The following MEIOSIN variants were observed in gnomAD, a reference collection of about 807,000 sequenced individuals.
MEIOSIN encodes the protein meiosis initiator.
MEIOSIN carries 18 observed loss-of-function variants against 23.4 expected under a neutral mutation model. That is an observed-to-expected ratio of 0.77 (90% CI 0.53 to 1.14). The LOEUF is 1.14. MEIOSIN is among the 50% of genes most tolerant of loss of function. MEIOSIN has a pLI of 0.00. For missense variants in MEIOSIN, 428 were observed against 242.9 expected (o/e 1.76, Z -5.07); for synonymous variants, 187 against 100.6 (o/e 1.86, Z -5.14).
intron 9 of MEIOSIN, among the ~76,000 whole-genome samples, chr19:45,757,969 A>G (rs1555784140): frequency 6.6e-6 from 1 of 151,486 alleles, no homozygotes; most frequent in African/African-American, 2.4e-5. Flanking sequence ...CTGGGATTAC[A>G]GGCACGTGCC....
rs1968786205 is a variant in MEIOSIN at position 45,754,738 on chromosome 19, C to T, written c.802+14C>T. 1 of 701,802 alleles carries T rather than the reference C, an allele frequency of 1.4e-6. No homozygotes were observed. Among genetic ancestry groups the T allele is most frequent in the Non-Finnish European group, 2.6e-6 (1 of 384,556 alleles). 43.5% of individuals were successfully genotyped at this position (701,802 alleles called of 1,614,324 possible). The stretch of plus-strand genomic sequence containing the variant: ...GTGACATCTCAAGTGGGTCTCTTTC[C>T]TCACTCTGAACTTAGTCTTTCAGTA... On this transcript the variant is annotated intron_variant, in intron 7 of 14. Coordinates refer to ENST00000457052, the MANE Select transcript of MEIOSIN (RefSeq NM_001310124.2).
At chr19:45,735,542 C>T in intron 2 of MEIOSIN, 95 bp downstream of exon 2, 1 of 627,452 alleles carries the variant, frequency 1.6e-6, no homozygotes, top group Non-Finnish European at 2.9e-6. Context: ...TTGCTAGACT[C>T]TTTGCCAAAC....
At chr19:45,735,543 T>C (rs1968394842) in intron 2 of MEIOSIN, 96 bp downstream of exon 2, 3 of 626,966 alleles carry the variant, frequency 4.8e-6, no homozygotes, top group East Asian at 2.8e-5. Context: ...TGCTAGACTC[T>C]TTGCCAAACA....
intron 4 of MEIOSIN, among the ~76,000 whole-genome samples, chr19:45,746,332 G>A (rs990913554): frequency 2.6e-5 from 4 of 152,120 alleles, no homozygotes. Flanking sequence ...TAGAGAGTTT[G>A]TTTCCTTTCT....
At chr19:45,746,942 T>C (rs571712600) in intron 4 of MEIOSIN, among the ~76,000 whole-genome samples, 28 of 152,242 alleles carry the variant, frequency 1.8e-4, no homozygotes, top group African/African-American at 6.5e-4. Flanking sequence ...TTTGGAACTT[T>C]GGGGGGATGC....
intron 4 of MEIOSIN, among the ~76,000 whole-genome samples, chr19:45,748,752 G>T (rs1261135587): frequency 6.6e-6 from 1 of 152,126 alleles, no homozygotes; most frequent in East Asian, 1.9e-4. Context: ...TCCAAGCCTG[G>T]TATTAGAGAT....
In MEIOSIN at chr19:45,733,594, C is replaced by G. The variant is rs1968359213; in HGVS notation, c.-73C>G. 6.6e-6 allele frequency: 1 copy of G among 152,286 alleles called. No homozygotes were observed. Among genetic ancestry groups the G allele is most frequent in the Non-Finnish European group, 1.5e-5 (1 of 68,070 alleles). 9.4% of individuals were successfully genotyped at this position (152,286 alleles called of 1,614,324 possible). On this transcript the variant is annotated 5_prime_UTR_variant, in exon 1 of 15. It adds an upstream start codon to the 5' untranslated region. Coordinates refer to ENST00000457052, the MANE Select transcript of MEIOSIN (RefSeq NM_001310124.2). This position sits in a 1 kb window ranked among gnomAD's most constrained non-coding sequence, Gnocchi z 5.7. ...GGACCCGCGCGAGACGCTGTCTGAT[C>G]GGGCTCCCTAGAGTGGGGCCCGGAG... is the stretch of plus-strand genomic sequence containing the variant.
At chr19:45,759,326 C>T in intron 10 of MEIOSIN, 88 bp from the exon 11 acceptor site, 1 of 684,468 alleles carries the variant, frequency 1.5e-6, no homozygotes, top group South Asian at 1.5e-5. Context: ...GAGACGGGGA[C>T]TCCGGCTAGC....
intron 11 of MEIOSIN, among the ~76,000 whole-genome samples, chr19:45,760,260 G>T (rs1355376095): frequency 6.6e-6 from 1 of 151,808 alleles, no homozygotes; most frequent in Non-Finnish European, 1.5e-5. Flanking sequence ...CTGAGATCAG[G>T]AGTTCAAGAC....
chr19:45,752,365 G>A (rs1968729861), intron 5 of MEIOSIN, among the ~76,000 whole-genome samples: 1 of 151,316 alleles, frequency 6.6e-6, no homozygotes. Flanking sequence ...ACAGGCGCCC[G>A]CCACCACACC....
At chr19:45,747,568 G>A (rs1968617251) in intron 4 of MEIOSIN, among the ~76,000 whole-genome samples, 1 of 152,230 alleles carries the variant, frequency 6.6e-6, no homozygotes, top group Non-Finnish European at 1.5e-5. Flanking sequence ...AGAGCAGAGA[G>A]CAGACAGCAG....
chr19:45,746,368 G>A (rs1268736767), intron 4 of MEIOSIN, among the ~76,000 whole-genome samples: 1 of 152,170 alleles, frequency 6.6e-6, no homozygotes, highest in Non-Finnish European at 1.5e-5. Flanking sequence ...GGGGCTGCCT[G>A]CATTCCTTGA....
In MEIOSIN at chr19:45,755,975, T is replaced by C. The variant is rs1410322282; in HGVS notation, c.808T>C (p.Trp270Arg). 2.8e-6 allele frequency: 2 copies of C among 702,638 alleles called. No homozygotes were observed. Among genetic ancestry groups the C allele is most frequent in the Non-Finnish European group, 5.2e-6 (2 of 384,994 alleles). 43.5% of individuals were successfully genotyped at this position (702,638 alleles called of 1,614,324 possible). The change falls in exon 8 of 15, where the codon TGG becomes CGG. Residue 270 changes from tryptophan to arginine, a missense_variant. Physicochemically the swap from Trp to Arg is moderately radical, Grantham distance 101 (BLOSUM62 -3). Transcript: ENST00000457052. ...DTIHCDISSC[W>R]CQGSVQDDAP... The stretch of plus-strand genomic sequence containing the variant: ...CATCCTGATCTGCCCCTTAGGCTGC[T>C]GGTGCCAGGGCAGTGTCCAGGATGA...
rs999007193 is a variant in MEIOSIN at position 45,764,270 on chromosome 19, C to A, written c.*152C>A. 3 of 397,202 alleles carry A rather than the reference C, an allele frequency of 7.6e-6. No individual in the cohort carries two copies. In the East Asian group the frequency reaches 1.1e-4, roughly 14 times the overall value. The allele number at this position is 397,202 out of a possible 1,614,324, so 24.6% of individuals were successfully genotyped here. A position where few individuals can be genotyped will look rare whatever the true frequency, so the allele number is the denominator to read the frequency against. On this transcript the variant is annotated 3_prime_UTR_variant, in exon 15 of 15. Coordinates refer to ENST00000457052, the MANE Select transcript of MEIOSIN (RefSeq NM_001310124.2). ...ACTGGGGAGGGGGGCACTGATTAGC[C>A]CCAACCGCTGGGCACATTTGCCTGG...
At chr19:45,757,975 G>A (rs1266570591) in intron 9 of MEIOSIN, among the ~76,000 whole-genome samples, 1 of 151,436 alleles carries the variant, frequency 6.6e-6, no homozygotes, top group Non-Finnish European at 1.5e-5. Flanking sequence ...TTACAGGCAC[G>A]TGCCCCTGCT....
At chr19:45,743,972 C>T (rs1205270421) in intron 3 of MEIOSIN, among the ~76,000 whole-genome samples, 1 of 151,878 alleles carries the variant, frequency 6.6e-6, no homozygotes, top group Non-Finnish European at 1.5e-5. Flanking sequence ...CAAAGCATGG[C>T]CTCTTCATGT....
chr19:45,754,000 T>C (rs1968767579), intron 6 of MEIOSIN, among the ~76,000 whole-genome samples: 3 of 151,810 alleles, frequency 2.0e-5, no homozygotes, highest in South Asian at 4.2e-4. Context: ...ATTTTTTTTT[T>C]GAGAGAGACT....
At chr19:45,744,433 G>A (rs904737238) in intron 3 of MEIOSIN, among the ~76,000 whole-genome samples, 1 of 152,060 alleles carries the variant, frequency 6.6e-6, no homozygotes, top group Non-Finnish European at 1.5e-5. Context: ...ATGGTCCAAT[G>A]CTTGGTTTGA....
chr19:45,737,015 C>T (rs774203164), intron 2 of MEIOSIN, among the ~76,000 whole-genome samples: 9 of 151,810 alleles, frequency 5.9e-5, no homozygotes, highest in Non-Finnish European at 1.3e-4. Context: ...ACTACAGGCG[C>T]ATGCCACCAC....
Sources: allele counts gnomAD v4.1 joint callset (sites outside exome capture counted in the v4.1 genomes callset), GRCh38; gene constraint gnomAD v4.1.1; non-coding constraint Gnocchi (gnomAD v3.1); transcripts MANE v1.5; gene names NCBI Gene and HGNC (gene_info 2026-07-23, HGNC 2026-07-21).